DNM3: variants seen among roughly 807,000 people sequenced by gnomAD.
DNM3 encodes dynamin-3.
DNM3 carries 47 observed loss-of-function variants against 101.6 expected under a neutral mutation model. That is an observed-to-expected ratio of 0.46 (90% CI 0.37 to 0.59). The LOEUF is 0.59. Ranked by LOEUF, DNM3 falls within the 20% of genes least tolerant of loss-of-function variation. The pLI, the probability that DNM3 is intolerant of heterozygous loss-of-function variation, is 0.00. For synonymous variants in DNM3, 385 were observed against 387.9 expected (o/e 0.99, Z 0.09); for missense variants, 849 against 1,085.7 (o/e 0.78, Z 3.06).
At chr1:171,978,417 G>A (rs371690843) in intron 2 of DNM3, among the ~76,000 whole-genome samples, 59 of 152,218 alleles carry the variant, frequency 3.9e-4, no homozygotes, top group Non-Finnish European at 4.6e-4. Flanking sequence ...TTATAGAGAG[G>A]CCCTGAGGTA....
chr1:172,218,015 G>A lies in DNM3; in HGVS notation c.1660-35558G>A, dbSNP rs571839835. 1.1e-4 allele frequency among the ~76,000 whole-genome samples: 17 copies of A among 152,252 alleles called. No individual in the cohort carries two copies. In the East Asian group the frequency reaches 2.9e-3, roughly 26 times the overall value. On this transcript the variant is annotated intron_variant, in intron 14 of 20. Coordinates refer to ENST00000627582, the MANE Select transcript of DNM3 (RefSeq NM_015569.5). ...AAATTTCTGTAGTATATTTATTCCT[G>A]CTAAAATAGATTATGGTCTATAGAA...
At chr1:171,858,010 C>A (rs1384578919) in intron 1 of DNM3, among the ~76,000 whole-genome samples, 3 of 152,144 alleles carry the variant, frequency 2.0e-5, no homozygotes, top group Admixed American at 6.6e-5. Context: ...ACACCAGAAC[C>A]TGAACCAGCT....
intron 1 of DNM3, among the ~76,000 whole-genome samples, chr1:171,844,350 A>G (rs1313930554): frequency 6.6e-6 from 1 of 152,240 alleles, no homozygotes; most frequent in Non-Finnish European, 1.5e-5. Context: ...TATTGAATGC[A>G]GCCATAAAAA....
chr1:172,277,859 C>T (rs1374046006), intron 15 of DNM3, among the ~76,000 whole-genome samples: 1 of 152,058 alleles, frequency 6.6e-6, no homozygotes, highest in African/African-American at 2.4e-5. Flanking sequence ...AAAATATAGG[C>T]TGCACTGAAG....
In DNM3 at chr1:172,048,656, A is replaced by C; in HGVS notation, c.1241A>C (p.Lys414Thr). The change falls in exon 10 of 21, where the codon AAG (lysine) becomes ACG (threonine). Residue 414 changes from lysine to threonine, a missense_variant. Physicochemically the swap from Lys to Thr is moderately conservative, Grantham distance 78. This residue lies in a region of DNM3 where 193 missense variants were observed against 238.4 expected (regional missense o/e 0.81). Coordinates refer to ENST00000627582, the MANE Select transcript of DNM3 (RefSeq NM_015569.5). The part of the protein sequence containing the change: ...TPDMAFEAIV[K>T]KQIVKLKGPS... The stretch of plus-strand genomic sequence containing the variant: ...GACATGGCATTTGAAGCGATAGTCA[A>C]GAAACAGATTGTAAAGTTGAAAGGG... 6.2e-7 allele frequency: 1 copy of C among 1,613,658 alleles called. No homozygotes were observed. The highest frequency in any genetic ancestry group is 8.5e-7 in the Non-Finnish European group (1 of 1,179,694).
intron 1 of DNM3, among the ~76,000 whole-genome samples, chr1:171,883,400 CACACACACACACACCCT>C (rs1558209686): frequency 1.5e-4 from 18 of 119,208 alleles, no homozygotes; most frequent in Admixed American, 3.4e-4. Context: ...CACACACACA[CACACACACACACACCCT>C]GTCAGAATGA....
chr1:172,197,901 TC>T (rs2148471695), intron 14 of DNM3, among the ~76,000 whole-genome samples: 1 of 152,304 alleles, frequency 6.6e-6, no homozygotes, highest in South Asian at 2.1e-4. Context: ...TGCGCTTTTT[TC>T]TTTCTCCTGC....
chr1:171,872,711 A>G (rs2035406189), intron 1 of DNM3, among the ~76,000 whole-genome samples: 1 of 152,156 alleles, frequency 6.6e-6, no homozygotes, highest in Non-Finnish European at 1.5e-5. Context: ...AGGTAAGAGA[A>G]AATGTGGAAA....
intron 1 of DNM3, among the ~76,000 whole-genome samples, chr1:171,872,914 C>T (rs1041291241): frequency 6.6e-6 from 1 of 152,002 alleles, no homozygotes; most frequent in Non-Finnish European, 1.5e-5. Context: ...TTTGTAAAAA[C>T]ATGAACTGTA....
In DNM3 at chr1:171,987,815, A is replaced by G. The variant is rs936042513; in HGVS notation, c.385+10A>G. 3.9e-6 allele frequency: 6 copies of G among 1,537,888 alleles called. No homozygotes were observed. The highest frequency in any genetic ancestry group is 5.2e-6 in the Non-Finnish European group (6 of 1,148,304). On this transcript the variant is annotated intron_variant, in intron 3 of 20. Coordinates refer to ENST00000627582, the MANE Select transcript of DNM3 (RefSeq NM_015569.5). Reference sequence around the variant, plus strand: ...GTCTATTCCCCACACGGTAAGTAAAATAATAAAATTCCAAATTCTTCTCCT... The same window carrying G: ...GTCTATTCCCCACACGGTAAGTAAAGTAATAAAATTCCAAATTCTTCTCCT...
At chr1:172,415,065 T>C (rs1271471389), downstream of DNM3, among the ~76,000 whole-genome samples, 1 of 151,630 alleles carries the variant, frequency 6.6e-6, no homozygotes, top group African/African-American at 2.4e-5. Flanking sequence ...GCCTGAGGAG[T>C]GGAATGGGAC....
intron 13 of DNM3, among the ~76,000 whole-genome samples, chr1:172,098,049 TA>T (rs1316095128): frequency 1.3e-5 from 2 of 152,130 alleles, no homozygotes; most frequent in Non-Finnish European, 2.9e-5. Flanking sequence ...AGGGTGAAAT[TA>T]AAATTGCTAA....
chr1:171,959,355 G>A (rs2043061197), intron 2 of DNM3, among the ~76,000 whole-genome samples: 1 of 152,066 alleles, frequency 6.6e-6, no homozygotes, highest in African/African-American at 2.4e-5. Context: ...GTAGAAATAA[G>A]GGCAAGATAT....
chr1:172,238,561 A>G (rs2061626958), intron 14 of DNM3, among the ~76,000 whole-genome samples: 1 of 152,170 alleles, frequency 6.6e-6, no homozygotes, highest in Non-Finnish European at 1.5e-5. Flanking sequence ...GACATGGGAT[A>G]GGTGAGTTTT....
At chr1:171,868,730 AT>A (rs1297725586) in intron 1 of DNM3, among the ~76,000 whole-genome samples, 1 of 151,952 alleles carries the variant, frequency 6.6e-6, no homozygotes, top group South Asian at 2.1e-4. Flanking sequence ...TCTTACATTG[AT>A]TGAGCAGTTG....
intron 1 of DNM3, among the ~76,000 whole-genome samples, chr1:171,846,312 A>G (rs10798702): frequency 6.6e-6 from 1 of 151,928 alleles, no homozygotes; most frequent in Non-Finnish European, 1.5e-5. Context: ...GAGCAATATA[A>G]CTAAGATAAC....
chr1:172,086,221 A>G (rs1057515323), intron 12 of DNM3, among the ~76,000 whole-genome samples: 2 of 152,120 alleles, frequency 1.3e-5, no homozygotes, highest in African/African-American at 4.8e-5. Context: ...AAGTTCTGTA[A>G]GATTTTCTTG....
Position 171,972,869 on chromosome 1 carries a change from AAAC to A in DNM3, c.236-14766_236-14764del, listed in dbSNP as rs151021588. Among the ~76,000 whole-genome samples the A allele has an allele frequency of 8.9e-3, 1,345 of 151,200 alleles. 26 individuals are homozygous for A. Among genetic ancestry groups the A allele is most frequent in the African/African-American group, 0.031 (1,266 of 41,236 alleles). On this transcript the variant is annotated intron_variant, in intron 2 of 20. Transcript: ENST00000627582. The stretch of plus-strand genomic sequence containing the variant: ...CATCTCAAAAACAAACAAAAAACAA[AAAC>A]AACAACAACAACAACAACAAAAACC...
rs551081759 is a variant in DNM3 at position 172,032,266 on chromosome 1, T to C, written c.590-136T>C. The C allele has an allele frequency of 4.4e-6, 3 of 677,186 alleles. No homozygotes were observed. In the African/African-American group the frequency reaches 5.4e-5, roughly 12 times the overall value. The allele number at this position is 677,186 out of a possible 1,614,324, so 41.9% of individuals were successfully genotyped here. ...GAAATCACCAAACTCAAGTAGCACT[T>C]AGAAAACAAAGTAAGACAGAAGGAA... is the stretch of plus-strand genomic sequence containing the variant. On this transcript the variant is annotated intron_variant, in intron 4 of 20. Transcript: ENST00000627582.
Sources: gnomAD v4.1 joint callset for allele counts (sites outside exome capture counted in the v4.1 genomes callset) on GRCh38, gnomAD v4.1.1 for gene constraint, gnomAD v4.1.1 regional missense constraint, MANE v1.5 for transcripts, NCBI Gene and HGNC (gene_info 2026-07-23, HGNC 2026-07-21) for gene names.